CA10: variants seen among roughly 807,000 people sequenced by gnomAD.
CA10 encodes the protein carbonic anhydrase 10 (inactive), also known as carbonic anhydrase-related protein 10.
A neutral mutation model predicts 44.2 loss-of-function variants in CA10; 14 were observed. That is an observed-to-expected ratio of 0.32 (90% CI 0.21 to 0.50). CA10 has a LOEUF of 0.50. Among genes scored for constraint, CA10 ranks in the 20% least tolerant of loss-of-function variants. The pLI, the probability that CA10 is intolerant of heterozygous loss-of-function variation, is 0.99. For missense variants in CA10, 350 were observed against 409.7 expected, an observed-to-expected ratio of 0.85 and a Z score of 1.26; for synonymous variants, 159 against 141.6, an observed-to-expected ratio of 1.12 and a Z score of -0.87.
chr17:51,705,814 G>A (rs1915745255), intron 4 of CA10, among the ~76,000 whole-genome samples: 1 of 152,184 alleles, frequency 6.6e-6, no homozygotes, highest in Admixed American at 6.5e-5. Flanking sequence ...GGAGGGTAGA[G>A]GTGACAGGTA....
At chr17:51,763,305 CTT>C (rs1408393862) in intron 3 of CA10, 1 of 152,176 alleles carries the variant, frequency 6.6e-6, no homozygotes, top group Non-Finnish European at 1.5e-5. Context: ...GGTGGGGAGT[CTT>C]TATTGCCATC....
At chr17:51,784,513 C>A (rs577400286) in intron 3 of CA10, among the ~76,000 whole-genome samples, 2 of 152,368 alleles carry the variant, frequency 1.3e-5, no homozygotes, top group South Asian at 4.1e-4. Flanking sequence ...TTATCTCTGT[C>A]TTCCGCCCCT....
At chr17:52,091,546 C>A (rs949241507) in intron 1 of CA10, among the ~76,000 whole-genome samples, 9 of 152,182 alleles carry the variant, frequency 5.9e-5, no homozygotes, top group African/African-American at 2.2e-4. Context: ...AATTTCCCCC[C>A]ATTCTCAGTT....
intron 3 of CA10, among the ~76,000 whole-genome samples, chr17:51,864,082 A>T (rs1425214282): frequency 6.6e-6 from 1 of 152,066 alleles, no homozygotes; most frequent in East Asian, 1.9e-4. Flanking sequence ...ATCTTGACTC[A>T]CCTTATTAGC....
chr17:51,805,305 GATTCAA>G (rs1406505573), intron 3 of CA10, among the ~76,000 whole-genome samples: 2 of 152,208 alleles, frequency 1.3e-5, no homozygotes, highest in East Asian at 3.9e-4. Context: ...AGCGATTGGG[GATTCAA>G]AGGTGATTGA....
rs75290225 is a variant in CA10 at position 51,773,312 on chromosome 17, T to A, written c.280-25494A>T. Reference sequence around the variant, plus strand: ...CTTTACTGCAGCTGAGCTGCTCAGATAATTGTCTTTCTTATTTGGGACTAG... The same window carrying A: ...CTTTACTGCAGCTGAGCTGCTCAGAAAATTGTCTTTCTTATTTGGGACTAG... On this transcript the variant is annotated intron_variant, in intron 3 of 8. Transcript: ENST00000451037. Among the ~76,000 whole-genome samples the A allele has an allele frequency of 7.9e-3, 1,205 of 152,352 alleles. 20 individuals are homozygous for A. The highest frequency in any genetic ancestry group is 0.028 in the African/African-American group (1,145 of 41,588).
At chr17:51,931,773 GC>G (rs1448234395) in intron 2 of CA10, among the ~76,000 whole-genome samples, 1 of 152,106 alleles carries the variant, frequency 6.6e-6, no homozygotes, top group Non-Finnish European at 1.5e-5. Flanking sequence ...GACATTAAGA[GC>G]TGAGCACAAA....
chr17:52,152,937 T>C (rs961220548), intron 1 of CA10, among the ~76,000 whole-genome samples: 5 of 152,128 alleles, frequency 3.3e-5, no homozygotes, highest in African/African-American at 1.2e-4. Flanking sequence ...TAGAGTCACG[T>C]TGAAGGATAG....
intron 2 of CA10, among the ~76,000 whole-genome samples, chr17:52,022,223 G>A (rs1013584531): frequency 2.6e-4 from 39 of 152,176 alleles, no homozygotes; most frequent in African/African-American, 8.2e-4. Context: ...CTAGCAAGCT[G>A]AAATCCAGCA....
At chr17:51,878,561 C>A (rs1165428025) in intron 3 of CA10, among the ~76,000 whole-genome samples, 1 of 151,894 alleles carries the variant, frequency 6.6e-6, no homozygotes, top group African/African-American at 2.4e-5. Flanking sequence ...AGGAAGAGAA[C>A]TCAACTCTGT....
intron 3 of CA10, among the ~76,000 whole-genome samples, chr17:51,928,359 T>C (rs1166155662): frequency 1.3e-5 from 2 of 152,136 alleles, no homozygotes; most frequent in African/African-American, 4.8e-5. Flanking sequence ...GCACAGTGCA[T>C]AGGATGAGAA....
chr17:51,849,051 A>G (rs993173944), intron 3 of CA10, among the ~76,000 whole-genome samples: 5 of 150,778 alleles, frequency 3.3e-5, no homozygotes, highest in African/African-American at 1.2e-4. Context: ...CTGACTGTCT[A>G]TCTCTGTCTC....
In CA10 at chr17:51,717,767, G is replaced by A. The variant is rs57720187; in HGVS notation, c.465+29866C>T. Among the ~76,000 whole-genome samples the A allele has an allele frequency of 2.7e-4, 14 of 51,008 alleles. 3 individuals are homozygous for A. Among genetic ancestry groups the A allele is most frequent in the Admixed American group, 5.7e-4 (2 of 3,498 alleles). 33.5% of individuals were successfully genotyped at this position (51,008 alleles called of 152,430 possible). A position where few individuals can be genotyped will look rare whatever the true frequency, so the allele number is the denominator to read the frequency against. ...TATACATGTATATATACGTATATAT[G>A]TATACATATATGCATGTATATATGT... is the stretch of plus-strand genomic sequence containing the variant. On this transcript the variant is annotated intron_variant, in intron 4 of 8. Coordinates refer to ENST00000451037, the MANE Select transcript of CA10 (RefSeq NM_020178.5).
chr17:52,022,828 A>T (rs1303420040), intron 2 of CA10, among the ~76,000 whole-genome samples: 1 of 152,094 alleles, frequency 6.6e-6, no homozygotes, highest in African/African-American at 2.4e-5. Flanking sequence ...TCAACCTGAG[A>T]GCCAAATTAA....
intron 4 of CA10, among the ~76,000 whole-genome samples, chr17:51,746,605 T>C (rs1290543582): frequency 6.6e-6 from 1 of 152,242 alleles, no homozygotes; most frequent in Non-Finnish European, 1.5e-5. Flanking sequence ...CATTATACTT[T>C]AATGACTTGA....
intron 2 of CA10, among the ~76,000 whole-genome samples, chr17:52,050,991 G>A (rs932665501): frequency 2.0e-5 from 3 of 148,346 alleles, no homozygotes; most frequent in African/African-American, 5.0e-5. Context: ...AGAAAAAAAA[G>A]GGAAGGAAGG....
chr17:51,642,472 G>T (rs1441265657), intron 6 of CA10, among the ~76,000 whole-genome samples: 2 of 152,168 alleles, frequency 1.3e-5, no homozygotes, highest in Admixed American at 6.5e-5. Flanking sequence ...AGATCTGGGG[G>T]TTGGGGGAAG....
intron 3 of CA10, among the ~76,000 whole-genome samples, chr17:51,900,148 T>TC (rs1981249562): frequency 6.6e-6 from 1 of 152,126 alleles, no homozygotes; most frequent in South Asian, 2.1e-4. Context: ...ATTTGTGTGT[T>TC]CCTGTGGTGG....
At chr17:52,072,284 T>C (rs1161254824) in intron 2 of CA10, 35 bp downstream of exon 2, 1 of 1,408,930 alleles carries the variant, frequency 7.1e-7, no homozygotes, top group Non-Finnish European at 1.0e-6. Context: ...CTAATTGTTT[T>C]TAATAAATAA....
Sources: allele counts gnomAD v4.1 joint callset (sites outside exome capture counted in the v4.1 genomes callset), GRCh38; gene constraint gnomAD v4.1.1; transcripts MANE v1.5; gene names NCBI Gene and HGNC (gene_info 2026-07-23, HGNC 2026-07-21).